Variants in NAALADL2 observed in about 807,000 individuals in gnomAD.
NAALADL2 encodes the protein inactive N-acetylated-alpha-linked acidic dipeptidase-like protein 2.
A neutral mutation model predicts 87.2 loss-of-function variants in NAALADL2; 76 were observed. That is an observed-to-expected ratio of 0.87 (90% CI 0.72 to 1.05). NAALADL2 has a LOEUF of 1.05. Among genes scored for constraint, NAALADL2 ranks in the 50% least tolerant of loss-of-function variants. The pLI is 0.00. For synonymous variants in NAALADL2, 354 were observed against 331.0 expected (o/e 1.07, Z -0.75); for missense variants, 1,089 against 945.8 (o/e 1.15, Z -1.99).
At chr3:174,954,897 T>C (rs1740933440) in intron 1 of NAALADL2, among the ~76,000 whole-genome samples, 1 of 152,126 alleles carries the variant, frequency 6.6e-6, no homozygotes, top group Non-Finnish European at 1.5e-5. Context: ...GCATGCATCT[T>C]CTGGATAATT....
chr3:175,617,212 T>C (rs1050010977), intron 10 of NAALADL2, among the ~76,000 whole-genome samples: 13 of 152,108 alleles, frequency 8.5e-5, no homozygotes, highest in African/African-American at 3.1e-4. Flanking sequence ...GAGGCCTGGA[T>C]TGAAGAGGAG....
At position 175,097,091 on chromosome 3, in the gene NAALADL2, A is replaced by T. The variant is rs771632571; in HGVS notation, c.345A>T (p.Pro115=). ...TTACCCATTATACACGATCTGCACC[A>T]AAGAGCAATCGCTGCAACTTTTGCC... ...DYITHYTRSA[P]KSNRCNFCHV... Residue 115 remains proline (P), a synonymous_variant, in exon 2 of 14, where the codon CCA becomes CCT. Coordinates refer to ENST00000454872, the MANE Select transcript of NAALADL2 (RefSeq NM_207015.3). 6.2e-7 allele frequency: 1 copy of T among 1,613,686 alleles called. No homozygotes were observed. Among genetic ancestry groups the T allele is most frequent in the Non-Finnish European group, 8.5e-7 (1 of 1,179,598 alleles).
At chr3:174,561,857 C>T (rs575562044) in intron 2 of NAALADL2, among the ~76,000 whole-genome samples, 1 of 152,284 alleles carries the variant, frequency 6.6e-6, no homozygotes, top group Non-Finnish European at 1.5e-5. Flanking sequence ...CCTGTGCTGA[C>T]ATTTTCTCTT....
In NAALADL2 at chr3:175,763,348, T is replaced by TA. The variant is rs1054454484; in HGVS notation, c.2189+7937dup. 8.5e-5 allele frequency among the ~76,000 whole-genome samples: 13 copies of TA among 152,188 alleles called. No homozygotes were observed. In the East Asian group the frequency reaches 1.7e-3, roughly 20 times the overall value. Reference sequence around the variant, plus strand: ...TTTGTGGTTGAAATTTAATATCTTTTAAAAAAATGCTTCTTCCTAGATTCT... The same window carrying TA: ...TTTGTGGTTGAAATTTAATATCTTTTAAAAAAAATGCTTCTTCCTAGATTCT... On this transcript the variant is annotated intron_variant, in intron 13 of 13. Coordinates refer to ENST00000454872, the MANE Select transcript of NAALADL2 (RefSeq NM_207015.3).
At chr3:174,770,051 A>G (rs1428559589) in intron 3 of NAALADL2, among the ~76,000 whole-genome samples, 2 of 152,182 alleles carry the variant, frequency 1.3e-5, no homozygotes, top group African/African-American at 4.8e-5. Context: ...TAATATTTAA[A>G]ACAAGAAGTA....
intron 2 of NAALADL2, among the ~76,000 whole-genome samples, chr3:174,706,959 A>G (rs1730131693): frequency 1.3e-5 from 2 of 152,206 alleles, no homozygotes; most frequent in African/African-American, 4.8e-5. Context: ...CAAGAGAAAA[A>G]CAACCCCATC....
intron 5 of NAALADL2, among the ~76,000 whole-genome samples, chr3:175,324,598 A>T (rs1031735439): frequency 1.3e-5 from 2 of 152,192 alleles, no homozygotes; most frequent in African/African-American, 4.8e-5. Context: ...TTGTTGATTG[A>T]CTGATAAGAC....
At chr3:174,715,660 A>G (rs546998025) in intron 2 of NAALADL2, among the ~76,000 whole-genome samples, 35 of 152,320 alleles carry the variant, frequency 2.3e-4, no homozygotes, top group Non-Finnish European at 3.4e-4. Flanking sequence ...GGACTAAGTC[A>G]AATGGTTATA....
In NAALADL2 at chr3:175,331,829, T is replaced by TG. The variant is rs1193172950; in HGVS notation, c.1090+7505dup. On this transcript the variant is annotated intron_variant, in intron 5 of 13. Transcript: ENST00000454872. ...AAGTCAAATTGTCCCTCTATGCAGA[T>TG]GACATGGTCTCATAGCTAATAAAAC... is the stretch of plus-strand genomic sequence containing the variant. 4.6e-5 allele frequency among the ~76,000 whole-genome samples: 7 copies of TG among 152,286 alleles called. No individual in the cohort carries two copies. The East Asian group carries it at 1.2e-3, about 25-fold the overall frequency.
intron 1 of NAALADL2, among the ~76,000 whole-genome samples, chr3:175,046,438 A>C (rs4261887): frequency 9.9e-5 from 15 of 151,990 alleles, no homozygotes; most frequent in African/African-American, 3.6e-4. Flanking sequence ...ATTGTTGTCC[A>C]TATTTCCAAG....
chr3:175,758,523 A>G (rs1356445998), intron 13 of NAALADL2, among the ~76,000 whole-genome samples: 2 of 152,052 alleles, frequency 1.3e-5, no homozygotes, highest in Non-Finnish European at 2.9e-5. Flanking sequence ...CATTTATAAA[A>G]TACCTAAGAA....
chr3:174,847,560 T>C (rs182194692), intron 3 of NAALADL2, among the ~76,000 whole-genome samples: 2 of 152,236 alleles, frequency 1.3e-5, no homozygotes, highest in East Asian at 3.9e-4. Context: ...TTGGCCAGGA[T>C]TGGGGAATTT....
chr3:174,844,009 CT>C (rs1370505704), intron 3 of NAALADL2, among the ~76,000 whole-genome samples: 4 of 152,098 alleles, frequency 2.6e-5, no homozygotes, highest in Non-Finnish European at 4.4e-5. Flanking sequence ...TATGCAAAAG[CT>C]TTTCAGTTTG....
At chr3:174,860,142 A>C (rs1726306603) in intron 1 of NAALADL2, among the ~76,000 whole-genome samples, 1 of 152,108 alleles carries the variant, frequency 6.6e-6, no homozygotes, top group Admixed American at 6.6e-5. Flanking sequence ...GAAGAAAAAG[A>C]AAGTAGATAT....
intron 1 of NAALADL2, among the ~76,000 whole-genome samples, chr3:174,967,371 C>CAAA (rs58590340): frequency 1.3e-4 from 17 of 126,332 alleles, no homozygotes; most frequent in African/African-American, 4.5e-4. Context: ...TGGTGGATTG[C>CAAA]AAAAAAAAAA....
intron 11 of NAALADL2, among the ~76,000 whole-genome samples, chr3:175,719,835 T>A (rs1741970498): frequency 6.6e-6 from 1 of 152,308 alleles, no homozygotes; most frequent in South Asian, 2.1e-4. Flanking sequence ...ATCAAGGCAC[T>A]GGCAGGTTCT....
At chr3:175,117,497 C>A (rs186239650) in intron 2 of NAALADL2, among the ~76,000 whole-genome samples, 3,111 of 152,026 alleles carry the variant, frequency 0.02, 51 homozygotes, top group Admixed American at 0.031. Flanking sequence ...ATGCAGCCAA[C>A]AGACACATGA....
At position 175,518,590 on chromosome 3, in the gene NAALADL2, C is replaced by T. The variant is rs77763532; in HGVS notation, c.1653+46832C>T. ...TAGGGCCCCATCTGGCAAGAGCCTT[C>T]CTGCTGATGGGGACTCTCCAAGTCC... On this transcript the variant is annotated intron_variant, in intron 9 of 13. Coordinates refer to ENST00000454872, the MANE Select transcript of NAALADL2 (RefSeq NM_207015.3). Among the ~76,000 whole-genome samples, 452 of 152,304 alleles carry T rather than the reference C, an allele frequency of 3.0e-3. 4 individuals carry two copies. Among genetic ancestry groups the T allele is most frequent in the African/African-American group, 0.01 (431 of 41,556 alleles).
At chr3:174,501,866 A>T (rs565807831) in intron 1 of NAALADL2, among the ~76,000 whole-genome samples, 50 of 151,898 alleles carry the variant, frequency 3.3e-4, no homozygotes, top group Admixed American at 1.2e-3. Context: ...GATATCATTG[A>T]ATTTTCCACT....
Sources: allele counts gnomAD v4.1 joint callset (sites outside exome capture counted in the v4.1 genomes callset), GRCh38; gene constraint gnomAD v4.1.1; transcripts MANE v1.5; gene names NCBI Gene and HGNC (gene_info 2026-07-23, HGNC 2026-07-21).